Variants in PAK6 observed in about 807,000 individuals in gnomAD.
The protein encoded by PAK6 is p21 (RAC1) activated kinase 6, also known as serine/threonine-protein kinase PAK 6.
PAK6 carries 33 observed loss-of-function variants against 60.8 expected under a neutral mutation model. That is an observed-to-expected ratio of 0.54 (90% CI 0.41 to 0.73). PAK6 has a LOEUF of 0.73. PAK6 is among the 30% of genes least tolerant of loss of function. The probability of loss-of-function intolerance (pLI) is 0.00; values close to 1 mark genes in which losing one functional copy is unlikely to be tolerated. For synonymous variants in PAK6, 404 were observed against 378.5 expected, an observed-to-expected ratio of 1.07 and a Z score of -0.78; for missense variants, 845 against 904.1, an observed-to-expected ratio of 0.93 and a Z score of 0.84.
At chr15:40,254,109 G>A (rs896665216) in intron 3 of PAK6, among the ~76,000 whole-genome samples, 1 of 152,196 alleles carries the variant, frequency 6.6e-6, no homozygotes, top group Non-Finnish European at 1.5e-5. Context: ...CGAAGAGAGT[G>A]GGGTTTGAAT....
At chr15:40,240,759 C>T in intron 2 of PAK6, 78 bp downstream of exon 2, 1 of 400,008 alleles carries the variant, frequency 2.5e-6, no homozygotes, top group Admixed American at 3.1e-5. Context: ...GGCTGCCTCC[C>T]ACCTGGGACA....
chr15:40,240,006 C>A lies in PAK6; in HGVS notation c.-201+204C>A, dbSNP rs1363644513. ...TCAGGGAGAGGGGACGCCAGACACA[C>A]GGCCTGAGCAGGGTGAGGAGCAGCT... is the stretch of plus-strand genomic sequence containing the variant. On this transcript the variant is annotated intron_variant, in intron 1 of 10. Transcript: ENST00000560346. The A allele has an allele frequency of 2.0e-5, 3 of 152,774 alleles. No homozygotes were observed. In the East Asian group the frequency reaches 5.8e-4, roughly 29 times the overall value. 9.5% of individuals were successfully genotyped at this position (152,774 alleles called of 1,614,324 possible). A position where few individuals can be genotyped will look rare whatever the true frequency, so the allele number is the denominator to read the frequency against.
chr15:40,266,652 G>A, intron 5 of PAK6, 157 bp downstream of exon 5: 1 of 610,326 alleles, frequency 1.6e-6, no homozygotes. Context: ...TCTCTAAGGA[G>A]GGTGGCTCGC....
chr15:40,249,275 A>G (rs2043153223), intron 2 of PAK6, among the ~76,000 whole-genome samples: 1 of 144,170 alleles, frequency 6.9e-6, no homozygotes, highest in Admixed American at 6.7e-5. Flanking sequence ...AGGTTTCAAC[A>G]GATGAATCTT....
chr15:40,246,351 G>A (rs544719309), intron 2 of PAK6: 14 of 152,344 alleles, frequency 9.2e-5, no homozygotes, highest in African/African-American at 3.4e-4. Context: ...CCAGAAGCAG[G>A]AGGCCTGTCA....
intron 3 of PAK6, chr15:40,263,879 A>G: frequency 2.2e-6 from 1 of 455,656 alleles, no homozygotes; most frequent in Admixed American, 2.3e-5. Context: ...GGCCTCCCAG[A>G]GTACTAGGAT....
chr15:40,265,125 C>A lies in PAK6; in HGVS notation c.204+136C>A, dbSNP rs192546141. On this transcript the variant is annotated intron_variant, in intron 4 of 10. Transcript: ENST00000560346. The stretch of plus-strand genomic sequence containing the variant: ...GTTAATCAGCTGTTTTAACTCCCTG[C>A]CTGTCAGCCTGCCATTCTCTCCCTG... The A allele has an allele frequency of 1.2e-3, 967 of 804,394 alleles. 1 individual carries two copies. Among genetic ancestry groups the A allele is most frequent in the Non-Finnish European group, 1.6e-3 (823 of 517,634 alleles). 49.8% of individuals were successfully genotyped at this position (804,394 alleles called of 1,614,324 possible).
At chr15:40,272,313 G>A in exon 6 of PAK6, 1 of 1,613,994 alleles carries the variant, frequency 6.2e-7, no homozygotes, top group Non-Finnish European at 8.5e-7. Flanking sequence ...AGCCGGTGGG[G>A]ACCTTCAGCC....
chr15:40,244,461 G>A (rs937665383), intron 2 of PAK6, among the ~76,000 whole-genome samples: 5 of 149,398 alleles, frequency 3.3e-5, no homozygotes, highest in African/African-American at 7.4e-5. Flanking sequence ...GCAGTGGCAC[G>A]ATCTTGGCTC....
chr15:40,277,399 G>A (rs1014936129), exon 11 of PAK6: 1 of 152,556 alleles, frequency 6.6e-6, no homozygotes, highest in African/African-American at 2.4e-5. Flanking sequence ...AAGGGTCAGA[G>A]TTTTCAAAAC....
chr15:40,260,022 ATCATC>A (rs1416422278), intron 3 of PAK6: 1 of 152,090 alleles, frequency 6.6e-6, no homozygotes, highest in Non-Finnish European at 1.5e-5. Flanking sequence ...CCTAATCTAT[ATCATC>A]AAGAATTCCA....
chr15:40,275,496 G>A lies in PAK6; in HGVS notation c.1879-431G>A, dbSNP rs537542692. 2.0e-5 allele frequency among the ~76,000 whole-genome samples: 3 copies of A among 151,966 alleles called. No individual in the cohort carries two copies. In the South Asian group the frequency reaches 6.2e-4, roughly 32 times the overall value. ...AGACAGGGTTTCGCCATGTTGGTCA[G>A]GCTGGTCTACGAACTCCTGACCTCG... On this transcript the variant is annotated intron_variant, in intron 10 of 10. Transcript: ENST00000560346.
At chr15:40,276,146 C>CA in exon 11 of PAK6, 1 of 1,560,696 alleles carries the variant, frequency 6.4e-7, no homozygotes, top group Non-Finnish European at 8.8e-7. Context: ...GCACACTGGG[C>CA]AGCCAGCCTG....
intron 5 of PAK6, among the ~76,000 whole-genome samples, chr15:40,270,482 T>C (rs1319621184): frequency 1.3e-5 from 2 of 152,118 alleles, no homozygotes; most frequent in African/African-American, 4.8e-5. Context: ...CCCTGCATTG[T>C]AGTGGAGACA....
chr15:40,247,295 C>T (rs908527816), intron 2 of PAK6: 2 of 152,278 alleles, frequency 1.3e-5, no homozygotes, highest in African/African-American at 2.4e-5. Flanking sequence ...TTGGATGGAA[C>T]TTTGGAGGCC....
Position 40,241,480 on chromosome 15 carries a change from C to G in PAK6, c.-118+799C>G, listed in dbSNP as rs538691845. On this transcript the variant is annotated intron_variant, in intron 2 of 10. Coordinates refer to ENST00000560346, the Ensembl canonical transcript of PAK6. ...GGAGCTCATCTAGCTGGGGTTGAGG[C>G]CTTTGGGGCAAGCAAGGAGTCCCCT... Among the ~76,000 whole-genome samples the G allele has an allele frequency of 3.8e-3, 572 of 152,240 alleles. 4 individuals are homozygous for G. The highest frequency in any genetic ancestry group is 0.013 in the African/African-American group (551 of 41,544).
At chr15:40,239,653 A>G (rs2038260579) in exon 1 of PAK6, 1 of 152,424 alleles carries the variant, frequency 6.6e-6, no homozygotes, top group African/African-American at 2.4e-5. Flanking sequence ...GTGTTGGGAC[A>G]GAAGGGCAGT....
At chr15:40,275,974 C>A (rs2039444871) in exon 11 of PAK6, 2 of 1,613,198 alleles carry the variant, frequency 1.2e-6, no homozygotes, top group Middle Eastern at 1.6e-4. Flanking sequence ...TGGTGCGGGA[C>A]CCCCAAGAGA....
chr15:40,242,095 T>TGGGCCAGGAGGGAGCAGAGAGTAG (rs2038368945), intron 2 of PAK6, among the ~76,000 whole-genome samples: 1 of 152,058 alleles, frequency 6.6e-6, no homozygotes, highest in African/African-American at 2.4e-5. Flanking sequence ...GGCAGCAGGT[T>TGGGCCAGGAGGGAGCAGAGAGTAG]GGGCCAGGAG....
Sources: gnomAD v4.1 joint callset for allele counts (sites outside exome capture counted in the v4.1 genomes callset) on GRCh38, gnomAD v4.1.1 for gene constraint, MANE v1.5 for transcripts, NCBI Gene and HGNC (gene_info 2026-07-23, HGNC 2026-07-21) for gene names.